The following HLCS variants were observed in gnomAD, a reference collection of about 807,000 sequenced individuals.
HLCS encodes the protein biotin--protein ligase.
A neutral mutation model predicts 75.0 loss-of-function variants in HLCS; 53 were observed. The ratio of observed to expected loss-of-function variants is 0.71; its 90% confidence interval spans 0.57 to 0.89. The LOEUF is 0.89. Ranked by LOEUF, HLCS falls within the 40% of genes least tolerant of loss-of-function variation. The pLI, the probability that HLCS is intolerant of heterozygous loss-of-function variation, is 0.00. For missense variants in HLCS, 966 were observed against 1,074.0 expected, an observed-to-expected ratio of 0.90 and a Z score of 1.41; for synonymous variants, 431 against 428.6, an observed-to-expected ratio of 1.01 and a Z score of -0.07.
chr21:36,849,916 C>T (rs534141887), intron 6 of HLCS, among the ~76,000 whole-genome samples: 2 of 152,304 alleles, frequency 1.3e-5, no homozygotes, highest in South Asian at 2.1e-4. Context: ...AGCATGGATG[C>T]ACGCCTTATC....
At chr21:36,957,022 C>T (rs2068000723) in intron 2 of HLCS, among the ~76,000 whole-genome samples, 1 of 143,582 alleles carries the variant, frequency 7.0e-6, no homozygotes, top group South Asian at 2.2e-4. Flanking sequence ...CACTGCAGTC[C>T]AGCCTGGACA....
chr21:36,772,420 T>G (rs146431826), intron 6 of HLCS, among the ~76,000 whole-genome samples: 6,383 of 151,818 alleles, frequency 0.042, 150 homozygotes, highest in Middle Eastern at 0.12. Flanking sequence ...GTGGATCACT[T>G]GAGCCCAGGA....
intron 6 of HLCS, among the ~76,000 whole-genome samples, chr21:36,891,211 A>C (rs1303484788): frequency 6.6e-6 from 1 of 152,006 alleles, no homozygotes; most frequent in African/African-American, 2.4e-5. Flanking sequence ...GTAAGAACAT[A>C]AACACTGGGA....
At chr21:36,861,466 T>G (rs1425843501) in intron 6 of HLCS, among the ~76,000 whole-genome samples, 1 of 152,210 alleles carries the variant, frequency 6.6e-6, no homozygotes, top group Middle Eastern at 3.2e-3. Context: ...TGTCAGAGGT[T>G]TGGTGTACAG....
intron 6 of HLCS, among the ~76,000 whole-genome samples, chr21:36,864,430 T>G (rs1414490879): frequency 6.6e-6 from 1 of 152,010 alleles, no homozygotes; most frequent in Non-Finnish European, 1.5e-5. Context: ...AAACATTTCC[T>G]TTAGTCAAAA....
intron 2 of HLCS, chr21:36,947,804 G>T: frequency 2.0e-6 from 2 of 985,494 alleles, no homozygotes; most frequent in Non-Finnish European, 2.4e-6. Flanking sequence ...GGCATTGGCA[G>T]GCAGCAGCTC....
intron 6 of HLCS, among the ~76,000 whole-genome samples, chr21:36,824,978 C>T (rs1467503973): frequency 6.6e-6 from 1 of 152,146 alleles, no homozygotes; most frequent in Non-Finnish European, 1.5e-5. Flanking sequence ...TGAGTTTGTC[C>T]TAAAACTTCT....
At chr21:36,984,872 T>TG (rs1242077613) in intron 1 of HLCS, among the ~76,000 whole-genome samples, 2 of 143,362 alleles carry the variant, frequency 1.4e-5, no homozygotes, top group South Asian at 2.1e-4. Context: ...TTCTTTTTCT[T>TG]GTTTTTTTTT....
intron 9 of HLCS, among the ~76,000 whole-genome samples, chr21:36,758,982 T>C (rs2089717361): frequency 1.4e-5 from 2 of 147,874 alleles, no homozygotes; most frequent in African/African-American, 2.5e-5. Context: ...GGACTCCATT[T>C]CAAAAAAAAA....
intron 1 of HLCS, chr21:36,986,676 C>T (rs1269064916): frequency 6.6e-6 from 1 of 152,264 alleles, no homozygotes; most frequent in South Asian, 2.1e-4. Flanking sequence ...CCTTGGCCTC[C>T]CAAAGTGCTG....
chr21:36,933,689 G>A (rs1456458745), intron 4 of HLCS, among the ~76,000 whole-genome samples: 1 of 151,632 alleles, frequency 6.6e-6, no homozygotes. Context: ...TAATTCACTT[G>A]AGCACACGGC....
chr21:36,886,536 T>C (rs995448815), intron 6 of HLCS, among the ~76,000 whole-genome samples: 22 of 151,808 alleles, frequency 1.4e-4, no homozygotes, highest in Admixed American at 3.3e-4. Flanking sequence ...AAGGAGGCCA[T>C]GTTCGCTCCA....
At chr21:36,945,451 A>G (rs977933529) in intron 2 of HLCS, among the ~76,000 whole-genome samples, 1 of 152,236 alleles carries the variant, frequency 6.6e-6, no homozygotes, top group Non-Finnish European at 1.5e-5. Context: ...ATATAGCTAT[A>G]CAGAGGACTA....
intron 6 of HLCS, among the ~76,000 whole-genome samples, chr21:36,803,376 A>G (rs763911531): frequency 2.0e-5 from 3 of 152,262 alleles, no homozygotes; most frequent in Non-Finnish European, 4.4e-5. Flanking sequence ...CTTCCATAAC[A>G]TTGAAAGCAG....
chr21:36,768,377 C>T (rs1375667195), intron 6 of HLCS, among the ~76,000 whole-genome samples: 1 of 152,210 alleles, frequency 6.6e-6, no homozygotes, highest in Non-Finnish European at 1.5e-5. Flanking sequence ...CGCTGAGAAG[C>T]TTATCATCCT....
intron 6 of HLCS, among the ~76,000 whole-genome samples, chr21:36,892,541 T>A (rs1364179153): frequency 6.6e-6 from 1 of 152,106 alleles, no homozygotes; most frequent in Non-Finnish European, 1.5e-5. Flanking sequence ...CATCCAGAGA[T>A]CCTGAATCTG....
chr21:36,776,770 A>G (rs762912261), intron 6 of HLCS, among the ~76,000 whole-genome samples: 27 of 152,242 alleles, frequency 1.8e-4, no homozygotes, highest in Non-Finnish European at 8.8e-5. Context: ...AAGGTCAGAG[A>G]GTAAATACTG....
intron 2 of HLCS, among the ~76,000 whole-genome samples, chr21:36,954,559 C>T (rs1218851392): frequency 1.4e-5 from 2 of 145,710 alleles, no homozygotes; most frequent in African/African-American, 5.1e-5. Flanking sequence ...GAGCTTGCAG[C>T]GAGCCGAGAT....
At chr21:36,895,277 G>A (rs1227310062) in intron 6 of HLCS, among the ~76,000 whole-genome samples, 42 of 151,882 alleles carry the variant, frequency 2.8e-4, no homozygotes, top group Non-Finnish European at 5.9e-5. Flanking sequence ...TGTAACTATC[G>A]CGAGTTACCC....
Sources: gnomAD v4.1 joint callset for allele counts (sites outside exome capture counted in the v4.1 genomes callset) on GRCh38, gnomAD v4.1.1 for gene constraint, MANE v1.5 for transcripts, NCBI Gene and HGNC (gene_info 2026-07-23, HGNC 2026-07-21) for gene names.